The following GULP1 variants were observed in gnomAD, a reference collection of about 807,000 sequenced individuals.
The protein encoded by GULP1 is PTB domain-containing engulfment adapter protein 1.
In GULP1, 19 loss-of-function variants were observed where a neutral mutation model predicts 40.9. That is an observed-to-expected ratio of 0.46 (90% CI 0.32 to 0.68). The LOEUF is 0.68. Ranked by LOEUF, GULP1 falls within the 30% of genes least tolerant of loss-of-function variation. GULP1 has a pLI of 0.03. For synonymous variants in GULP1, 119 were observed against 117.6 expected, an observed-to-expected ratio of 1.01 and a Z score of -0.08; for missense variants, 312 against 362.2, an observed-to-expected ratio of 0.86 and a Z score of 1.12.
intron 2 of GULP1, among the ~76,000 whole-genome samples, chr2:188,432,834 G>T (rs554600796): frequency 6.6e-6 from 1 of 151,660 alleles, no homozygotes; most frequent in African/African-American, 2.4e-5. Flanking sequence ...TTGGTACCTC[G>T]TGGCCAAAAC....
chr2:188,395,528 A>G (rs1190137958), intron 2 of GULP1, among the ~76,000 whole-genome samples: 1 of 152,124 alleles, frequency 6.6e-6, no homozygotes, highest in Non-Finnish European at 1.5e-5. Flanking sequence ...GACTGTTGGC[A>G]TGGAGCTTCA....
chr2:188,392,931 C>A (rs951299517), intron 2 of GULP1, among the ~76,000 whole-genome samples: 2 of 151,858 alleles, frequency 1.3e-5, no homozygotes, highest in African/African-American at 4.8e-5. Context: ...TAGCTTTATT[C>A]TCCTGTGATC....
intron 1 of GULP1, among the ~76,000 whole-genome samples, chr2:188,340,471 A>G (rs2042815497): frequency 6.6e-6 from 1 of 152,170 alleles, no homozygotes; most frequent in Admixed American, 6.5e-5. Flanking sequence ...GCTTCTGGGC[A>G]CCAGCAGGAG....
intron 7 of GULP1, among the ~76,000 whole-genome samples, chr2:188,568,232 G>A (rs988310882): frequency 6.6e-6 from 1 of 152,146 alleles, no homozygotes; most frequent in African/African-American, 2.4e-5. Flanking sequence ...ATTAGAATTT[G>A]TAGTAGAGTT....
chr2:188,322,819 G>A (rs1003411264), intron 1 of GULP1, among the ~76,000 whole-genome samples: 4 of 151,964 alleles, frequency 2.6e-5, no homozygotes, highest in African/African-American at 9.7e-5. Context: ...AATACCTCTT[G>A]CCTGTGGTTT....
At chr2:188,352,614 T>TCACACA (rs1326667036) in intron 1 of GULP1, among the ~76,000 whole-genome samples, 2 of 60,346 alleles carry the variant, frequency 3.3e-5, no homozygotes, top group Non-Finnish European at 5.6e-5. Flanking sequence ...TCTCTCTCTC[T>TCACACA]CTCTCACACA....
intron 4 of GULP1, among the ~76,000 whole-genome samples, chr2:188,516,270 C>T (rs1452055410): frequency 6.6e-6 from 1 of 152,136 alleles, no homozygotes; most frequent in Non-Finnish European, 1.5e-5. Flanking sequence ...AGCCTGGAAA[C>T]TTGGTTCAAA....
chr2:188,332,815 G>C (rs542972421), intron 1 of GULP1, among the ~76,000 whole-genome samples: 12 of 152,278 alleles, frequency 7.9e-5, no homozygotes, highest in African/African-American at 2.9e-4. Flanking sequence ...TATGGTTAGA[G>C]CACTGCATAC....
chr2:188,518,957 C>T (rs1448371696), intron 4 of GULP1, among the ~76,000 whole-genome samples: 1 of 152,008 alleles, frequency 6.6e-6, no homozygotes, highest in Non-Finnish European at 1.5e-5. Context: ...TAACATGCTA[C>T]CTCATATCTA....
intron 5 of GULP1, among the ~76,000 whole-genome samples, chr2:188,528,789 C>G (rs1437875102): frequency 2.6e-5 from 4 of 152,124 alleles, no homozygotes; most frequent in Non-Finnish European, 5.9e-5. Context: ...CTGATCTCTA[C>G]ATATCTTCCC....
intron 7 of GULP1, among the ~76,000 whole-genome samples, chr2:188,555,450 T>G (rs1431275416): frequency 6.6e-6 from 1 of 152,226 alleles, no homozygotes; most frequent in Non-Finnish European, 1.5e-5. Flanking sequence ...TGAGAAAGAC[T>G]TTATTTCTTC....
intron 4 of GULP1, among the ~76,000 whole-genome samples, chr2:188,504,500 C>G (rs1475082433): frequency 6.6e-6 from 1 of 151,808 alleles, no homozygotes; most frequent in Non-Finnish European, 1.5e-5. Context: ...CTATGTAGAT[C>G]AGAATATAAA....
At chr2:188,536,058 T>C (rs929110519) in intron 6 of GULP1, among the ~76,000 whole-genome samples, 2 of 152,118 alleles carry the variant, frequency 1.3e-5, no homozygotes, top group African/African-American at 2.4e-5. Flanking sequence ...TTTTTGTTGG[T>C]TTAATTGTTT....
intron 3 of GULP1, among the ~76,000 whole-genome samples, chr2:188,479,629 T>C (rs1008163357): frequency 6.6e-6 from 1 of 152,084 alleles, no homozygotes; most frequent in Non-Finnish European, 1.5e-5. Flanking sequence ...CTTAACACTT[T>C]AATCACTCTA....
intron 1 of GULP1, among the ~76,000 whole-genome samples, chr2:188,334,693 A>G (rs1466382540): frequency 1.3e-5 from 2 of 152,212 alleles, no homozygotes; most frequent in African/African-American, 4.8e-5. Context: ...TCAAAATCCA[A>G]ATTGTAAACA....
At position 188,387,877 on chromosome 2, in the gene GULP1, A is replaced by T. The variant is rs529288107; in HGVS notation, c.-45+3988A>T. The stretch of plus-strand genomic sequence containing the variant: ...CTATCCTTTAAGAAGTTTTTTTTTT[A>T]AATTTTTTTGTTATTATTATACTTT... On this transcript the variant is annotated intron_variant, in intron 2 of 11. Transcript: ENST00000409830. 4.6e-3 allele frequency among the ~76,000 whole-genome samples: 695 copies of T among 151,626 alleles called. 2 individuals are homozygous for T. Among genetic ancestry groups the T allele is most frequent in the African/African-American group, 0.013 (556 of 41,328 alleles).
chr2:188,580,320 G>A (rs933216409), intron 9 of GULP1, among the ~76,000 whole-genome samples: 15 of 152,228 alleles, frequency 9.9e-5, no homozygotes, highest in African/African-American at 3.6e-4. Flanking sequence ...TTGGGAGGCC[G>A]AGGCGGGCGG....
At chr2:188,341,154 G>C (rs931413413) in intron 1 of GULP1, among the ~76,000 whole-genome samples, 1 of 152,130 alleles carries the variant, frequency 6.6e-6, no homozygotes, top group African/African-American at 2.4e-5. Context: ...TTTCTGCCTA[G>C]AATTTCTTTG....
chr2:188,581,439 C>T (rs1386161636), intron 9 of GULP1, among the ~76,000 whole-genome samples: 2 of 152,150 alleles, frequency 1.3e-5, no homozygotes, highest in Non-Finnish European at 2.9e-5. Flanking sequence ...CTTGCTTATA[C>T]TATAGCAGTA....
Sources: allele counts gnomAD v4.1 joint callset (sites outside exome capture counted in the v4.1 genomes callset), GRCh38; gene constraint gnomAD v4.1.1; transcripts MANE v1.5; gene names NCBI Gene and HGNC (gene_info 2026-07-23, HGNC 2026-07-21).